Variants in HNRNPM observed in about 807,000 individuals in gnomAD.
The protein encoded by HNRNPM is CEA receptor.
Under a neutral mutation model 73.1 loss-of-function variants are expected in HNRNPM, and 11 were observed. The ratio of observed to expected loss-of-function variants is 0.15; its 90% CI spans 0.09 to 0.25. The LOEUF is 0.25. HNRNPM is among the 10% of genes least tolerant of loss of function. The pLI is 1.00. For missense variants in HNRNPM, 789 were observed against 1,067.9 expected (o/e 0.74, Z 3.64); for synonymous variants, 407 against 355.2 (o/e 1.15, Z -1.64).
intron 6 of HNRNPM, among the ~76,000 whole-genome samples, 169 bp from the exon 7 acceptor site, chr19:8,466,066 G>A (rs535339605): frequency 1.3e-5 from 2 of 152,206 alleles, no homozygotes; most frequent in African/African-American, 4.8e-5. Flanking sequence ...TACAGTGAAG[G>A]CCAGGCTTTA....
chr19:8,463,568 G>T, intron 4 of HNRNPM, 25 bp from the exon 5 acceptor site: 1 of 1,612,242 alleles, frequency 6.2e-7, no homozygotes, highest in South Asian at 1.1e-5. Flanking sequence ...GGTTTCACTC[G>T]ACTCGTTTCC....
In HNRNPM at chr19:8,485,926, CCCATCGACCGTGTGGGCCAGA is replaced by C. The variant is rs755543592; in HGVS notation, c.1503_1523del (p.Asp502_Ile508del). 2 of 1,604,166 alleles carry C rather than the reference CCCATCGACCGTGTGGGCCAGA, an allele frequency of 1.2e-6. No individual in the cohort carries two copies. Among genetic ancestry groups the C allele is most frequent in the South Asian group, 2.2e-5 (2 of 90,980 alleles). On this transcript the variant is annotated inframe_deletion, in exon 14 of 16. Transcript: ENST00000325495. Reference sequence around the variant, plus strand: ...CTTCGGCCTTGAGCGCATGGCCGCTCCCATCGACCGTGTGGGCCAGACCATTGAGCGCATGGGCTCTGGCGT... The same window carrying C: ...CTTCGGCCTTGAGCGCATGGCCGCTCCCATTGAGCGCATGGGCTCTGGCGT...
intron 9 of HNRNPM, 112 bp from the exon 10 acceptor site, chr19:8,471,214 G>T: frequency 1.8e-6 from 1 of 541,636 alleles, no homozygotes; most frequent in South Asian, 2.8e-5. Flanking sequence ...ACTGGTGGGT[G>T]GGGGTGGGTA....
At chr19:8,481,967 CTTTTTTT>C (rs35179733) in intron 12 of HNRNPM, among the ~76,000 whole-genome samples, 1 of 117,340 alleles carries the variant, frequency 8.5e-6, no homozygotes, top group Non-Finnish European at 1.7e-5. Flanking sequence ...TGTTTGGTGT[CTTTTTTT>C]TTTTTTTTTT....
At position 8,447,755 on chromosome 19, in the gene HNRNPM, G is replaced by A. The variant is rs191096064; in HGVS notation, c.113+2644G>A. On this transcript the variant is annotated intron_variant, in intron 1 of 15. Coordinates refer to ENST00000325495, the MANE Select transcript of HNRNPM (RefSeq NM_005968.5). Reference sequence around the variant, plus strand: ...AGAAAAAACAAAACAGGCTGGGCCCGGCGGCTCACGCCTGTAATCTCAGCA... The same window carrying A: ...AGAAAAAACAAAACAGGCTGGGCCCAGCGGCTCACGCCTGTAATCTCAGCA... 2.6e-4 allele frequency among the ~76,000 whole-genome samples: 39 copies of A among 152,250 alleles called. No homozygotes were observed. In the Middle Eastern group the frequency reaches 0.01, roughly 40 times the overall value.
chr19:8,449,932 G>C (rs1968487188), intron 1 of HNRNPM, among the ~76,000 whole-genome samples: 1 of 152,226 alleles, frequency 6.6e-6, no homozygotes, highest in Non-Finnish European at 1.5e-5. Flanking sequence ...GCCACATGCA[G>C]TACTGCTTCC....
intron 5 of HNRNPM, 38 bp from the exon 6 acceptor site, chr19:8,465,286 G>A (rs1414201151): frequency 2.0e-6 from 3 of 1,522,704 alleles, no homozygotes; most frequent in African/African-American, 2.8e-5. Context: ...GCGTTGTACT[G>A]GGTCAGTTAA....
intron 2 of HNRNPM, among the ~76,000 whole-genome samples, chr19:8,461,163 A>G (rs1489114016): frequency 6.6e-6 from 1 of 152,210 alleles, no homozygotes; most frequent in Non-Finnish European, 1.5e-5. Context: ...AGGAGAGGAC[A>G]AAGAGGGTGA....
At chr19:8,452,009 G>T (rs1269428093) in intron 1 of HNRNPM, among the ~76,000 whole-genome samples, 1 of 152,186 alleles carries the variant, frequency 6.6e-6, no homozygotes, top group African/African-American at 2.4e-5. Flanking sequence ...ATTAGCCAGG[G>T]AAGGATTTGT....
rs550929486 is a variant in HNRNPM, at chr19:8,454,984, CTTTT to C, written c.114-417_114-414del. ...AAAACCAACATTAGTCTTGTCTTTG[CTTTT>C]TTTGAGACAGGGTCTCGCTCTGTCA... On this transcript the variant is annotated intron_variant, in intron 1 of 15. Coordinates refer to ENST00000325495, the MANE Select transcript of HNRNPM (RefSeq NM_005968.5). Among the ~76,000 whole-genome samples the C allele has an allele frequency of 5.3e-5, 8 of 151,992 alleles. No homozygotes were observed. In the East Asian group the frequency reaches 1.5e-3, roughly 29 times the overall value.
Position 8,485,839 on chromosome 19 carries a change from C to T in HNRNPM, c.1411C>T (p.Arg471Cys), listed in dbSNP as rs1480857018. 3 of 1,603,204 alleles carry T rather than the reference C, an allele frequency of 1.9e-6. No homozygotes were observed. The highest frequency in any genetic ancestry group is 1.7e-5 in the Admixed American group (1 of 59,938). Residue 471 changes from arginine (R) to cysteine (C), a missense_variant, in exon 14 of 16, where the codon CGC becomes TGC. Arg to Cys is a radical substitution (Grantham distance 180). Coordinates refer to ENST00000325495, the MANE Select transcript of HNRNPM (RefSeq NM_005968.5). The stretch of plus-strand genomic sequence containing the variant: ...CGACCACATGGCCTCCAGCATTGAG[C>T]GCATGGGCCAGACCATGGAGCGCAT... ...GLDHMASSIE[R>C]MGQTMERIGS...
intron 9 of HNRNPM, among the ~76,000 whole-genome samples, chr19:8,469,167 C>T (rs768366594): frequency 1.3e-5 from 2 of 152,126 alleles, no homozygotes; most frequent in African/African-American, 4.8e-5. Context: ...CTGGTTAGTC[C>T]CATGTGGGCT....
intron 5 of HNRNPM, among the ~76,000 whole-genome samples, chr19:8,464,248 TAAAA>T (rs57019401): frequency 6.6e-6 from 1 of 151,976 alleles, no homozygotes; most frequent in Non-Finnish European, 1.5e-5. Context: ...GTCTAAAAAA[TAAAA>T]AAATAAAGTG....
intron 2 of HNRNPM, among the ~76,000 whole-genome samples, chr19:8,456,411 A>T (rs1486091311): frequency 6.6e-6 from 1 of 152,246 alleles, no homozygotes; most frequent in Non-Finnish European, 1.5e-5. Flanking sequence ...GAGACTGCTC[A>T]GCCCTGGGTT....
intron 12 of HNRNPM, among the ~76,000 whole-genome samples, chr19:8,478,667 A>G (rs1219398515): frequency 1.3e-5 from 2 of 152,182 alleles, no homozygotes; most frequent in South Asian, 2.1e-4. Context: ...TTATTGCTAT[A>G]TCAGTAGCAT....
At chr19:8,482,899 G>T (rs1971020441) in intron 12 of HNRNPM, 2 of 442,746 alleles carry the variant, frequency 4.5e-6, no homozygotes. Context: ...TCCTATCTCT[G>T]CTGGGCGCAT....
intron 10 of HNRNPM, among the ~76,000 whole-genome samples, chr19:8,472,922 A>G (rs1970252358): frequency 6.6e-6 from 1 of 152,166 alleles, no homozygotes; most frequent in Non-Finnish European, 1.5e-5. Context: ...CTGTTCCCTA[A>G]AATTTTCTAA....
At chr19:8,448,624 C>T (rs1396131904) in intron 1 of HNRNPM, among the ~76,000 whole-genome samples, 2 of 151,880 alleles carry the variant, frequency 1.3e-5, no homozygotes, top group Non-Finnish European at 2.9e-5. Flanking sequence ...ACTACAGGCG[C>T]CCGCCACCAT....
At chr19:8,455,638 C>A in intron 2 of HNRNPM, 64 bp downstream of exon 2, 2 of 1,416,442 alleles carry the variant, frequency 1.4e-6, no homozygotes, top group East Asian at 4.6e-5. Context: ...GTGGCTAATT[C>A]CTTGGTTATT....
Sources: gnomAD v4.1 joint callset for allele counts (sites outside exome capture counted in the v4.1 genomes callset) on GRCh38, gnomAD v4.1.1 for gene constraint, MANE v1.5 for transcripts, NCBI Gene and HGNC (gene_info 2026-07-23, HGNC 2026-07-21) for gene names.